MCC: variants seen among roughly 807,000 people sequenced by gnomAD.
MCC encodes the protein colorectal mutant cancer protein.
A neutral mutation model predicts 116.2 loss-of-function variants in MCC; 90 were observed. The ratio of observed to expected loss-of-function variants is 0.77; its 90% CI spans 0.65 to 0.92. The LOEUF (loss-of-function observed/expected upper bound fraction) is 0.92. Among genes scored for constraint, MCC ranks in the 40% least tolerant of loss-of-function variants. The pLI is 0.00. For missense variants in MCC, 1,516 were observed against 1,312.2 expected, an observed-to-expected ratio of 1.16 and a Z score of -2.40; for synonymous variants, 578 against 510.5, an observed-to-expected ratio of 1.13 and a Z score of -1.78.
intron 3 of MCC, among the ~76,000 whole-genome samples, chr5:113,237,256 A>T (rs1329081208): frequency 2.0e-5 from 3 of 152,212 alleles, no homozygotes; most frequent in Non-Finnish European, 2.9e-5. Context: ...TGAGGCAAAA[A>T]TGTGAACATT....
At chr5:113,089,614 A>G (rs567229269) in intron 8 of MCC, among the ~76,000 whole-genome samples, 56 of 152,378 alleles carry the variant, frequency 3.7e-4, no homozygotes, top group African/African-American at 1.3e-3. Context: ...CTAGAGTGGC[A>G]CTATCTGCTA....
intron 8 of MCC, among the ~76,000 whole-genome samples, chr5:113,096,085 G>C (rs1023310731): frequency 1.1e-4 from 16 of 152,168 alleles, no homozygotes; most frequent in African/African-American, 3.6e-4. Context: ...GACAGTGCAG[G>C]GCAGGCTCCA....
chr5:113,042,213 T>C (rs957305184), intron 17 of MCC, among the ~76,000 whole-genome samples: 1 of 150,994 alleles, frequency 6.6e-6, no homozygotes, highest in Non-Finnish European at 1.5e-5. Flanking sequence ...ACTGCATGCC[T>C]GTAATCCCAA....
intron 3 of MCC, chr5:113,295,049 A>T: frequency 1.5e-6 from 1 of 656,376 alleles, no homozygotes; most frequent in Non-Finnish European, 1.9e-6. Context: ...GGCCGAGCAG[A>T]GGAGACCGTG....
At chr5:113,224,399 T>C (rs1763660228) in intron 3 of MCC, among the ~76,000 whole-genome samples, 1 of 152,192 alleles carries the variant, frequency 6.6e-6, no homozygotes, top group Admixed American at 6.5e-5. Context: ...GGCCAAGTAT[T>C]GTTATATAGT....
chr5:113,292,165 G>A (rs1766522900), intron 3 of MCC, among the ~76,000 whole-genome samples: 1 of 152,198 alleles, frequency 6.6e-6, no homozygotes, highest in African/African-American at 2.4e-5. Context: ...CCGGGAGGCA[G>A]AGGTTGCAGT....
At chr5:113,449,772 A>T (rs1195616267) in intron 1 of MCC, among the ~76,000 whole-genome samples, 2 of 152,196 alleles carry the variant, frequency 1.3e-5, no homozygotes, top group African/African-American at 2.4e-5. Flanking sequence ...AATAGGCATG[A>T]ATTTATCTCT....
At chr5:113,220,998 T>C (rs1763531614) in intron 3 of MCC, among the ~76,000 whole-genome samples, 1 of 151,584 alleles carries the variant, frequency 6.6e-6, no homozygotes, top group Non-Finnish European at 1.5e-5. Context: ...AGCCCAGGAG[T>C]TCAAGACCAG....
intron 2 of MCC, among the ~76,000 whole-genome samples, chr5:113,384,142 C>T (rs1769190289): frequency 6.6e-6 from 1 of 152,068 alleles, no homozygotes; most frequent in Non-Finnish European, 1.5e-5. Flanking sequence ...AAAATATATA[C>T]AAGAAACCCC....
chr5:113,261,639 A>T (rs959303125), intron 3 of MCC, among the ~76,000 whole-genome samples: 1 of 152,234 alleles, frequency 6.6e-6, no homozygotes, highest in African/African-American at 2.4e-5. Flanking sequence ...TTTAAGTTAG[A>T]TTTACAATTT....
At chr5:113,059,713 C>T (rs1441082225) in intron 14 of MCC, among the ~76,000 whole-genome samples, 1 of 152,226 alleles carries the variant, frequency 6.6e-6, no homozygotes, top group East Asian at 1.9e-4. Flanking sequence ...TGATGCTCTG[C>T]TGGAGCTCCC....
At chr5:113,137,047 C>T (rs1758878046) in intron 5 of MCC, among the ~76,000 whole-genome samples, 1 of 152,086 alleles carries the variant, frequency 6.6e-6, no homozygotes. Flanking sequence ...TCTCACACTG[C>T]TATAAAGAAC....
At chr5:113,293,934 C>A (rs1766610072) in intron 3 of MCC, among the ~76,000 whole-genome samples, 1 of 152,094 alleles carries the variant, frequency 6.6e-6, no homozygotes, top group Non-Finnish European at 1.5e-5. Context: ...CCACCCCCAC[C>A]AAATTAGTTA....
At chr5:113,307,464 G>T (rs1284882696) in intron 3 of MCC, among the ~76,000 whole-genome samples, 5 of 152,208 alleles carry the variant, frequency 3.3e-5, no homozygotes, top group African/African-American at 1.2e-4. Context: ...TGAATGTACA[G>T]AATTGCAATT....
chr5:113,251,043 C>T (rs1764782014), intron 3 of MCC, among the ~76,000 whole-genome samples: 1 of 152,162 alleles, frequency 6.6e-6, no homozygotes, highest in African/African-American at 2.4e-5. Flanking sequence ...TTCTTAAGGT[C>T]CTATTTTAAC....
chr5:113,229,890 T>C (rs1463694669), intron 3 of MCC, among the ~76,000 whole-genome samples: 1 of 152,224 alleles, frequency 6.6e-6, no homozygotes, highest in Non-Finnish European at 1.5e-5. Context: ...TAAATTTGTG[T>C]AAGGACACTA....
At chr5:113,486,385 C>T (rs111765975) in intron 1 of MCC, among the ~76,000 whole-genome samples, 3 of 152,192 alleles carry the variant, frequency 2.0e-5, no homozygotes, top group African/African-American at 4.8e-5. Context: ...ACTCAAATTA[C>T]GCTTACAGAA....
chr5:113,382,067 G>A (rs1395912450), intron 2 of MCC, among the ~76,000 whole-genome samples: 1 of 152,110 alleles, frequency 6.6e-6, no homozygotes, highest in African/African-American at 2.4e-5. Context: ...AGAGTGGTGA[G>A]GACTGAAGAT....
At chr5:113,145,773 C>A (rs1374980283) in intron 4 of MCC, among the ~76,000 whole-genome samples, 1 of 15,036 alleles carries the variant, frequency 6.7e-5, no homozygotes, top group African/African-American at 1.7e-4. Flanking sequence ...CACACACACA[C>A]ACACACACAC....
Sources: gnomAD v4.1 joint callset for allele counts (sites outside exome capture counted in the v4.1 genomes callset) on GRCh38, gnomAD v4.1.1 for gene constraint, MANE v1.5 for transcripts, NCBI Gene and HGNC (gene_info 2026-07-23, HGNC 2026-07-21) for gene names.